Variants in DCTD observed in about 807,000 individuals in gnomAD.
The protein encoded by DCTD is deoxycytidylate deaminase.
DCTD carries 23 observed loss-of-function variants against 21.0 expected under a neutral mutation model. That is an observed-to-expected ratio of 1.09 (90% CI 0.79 to 1.55). The LOEUF (loss-of-function observed/expected upper bound fraction) is 1.55. DCTD is among the 40% of genes most tolerant of loss of function. DCTD has a pLI of 0.00. For synonymous variants in DCTD, 71 were observed against 81.1 expected (o/e 0.88, Z 0.67); for missense variants, 224 against 230.0 (o/e 0.97, Z 0.17).
intron 3 of DCTD, among the ~76,000 whole-genome samples, chr4:182,912,326 T>C (rs952546473): frequency 1.1e-4 from 17 of 152,310 alleles, no homozygotes; most frequent in Admixed American, 9.8e-4. Flanking sequence ...TACTGTATTA[T>C]GGCGGCAGTA....
chr4:182,894,567 A>G lies in DCTD; in HGVS notation c.283T>C (p.Ser95Pro). ...ATACTACAGCCTTTCACATCGGTCG[A>G]ATTTTTGTTCATGATGGCATTCAGC... is the stretch of plus-strand genomic sequence containing the variant. Reference protein sequence around the residue: ...AELNAIMNKNSTDVKGCSMYV... With the variant: ...AELNAIMNKNPTDVKGCSMYV... The change falls in exon 4 of 6, where the codon TCG becomes CCG. Residue 95 changes from serine to proline, a missense_variant. Coordinates refer to ENST00000438320, the MANE Select transcript of DCTD (RefSeq NM_001921.3). 1.2e-6 allele frequency: 2 copies of G among 1,614,176 alleles called. No individual in the cohort carries two copies. Among genetic ancestry groups the G allele is most frequent in the Non-Finnish European group, 1.7e-6 (2 of 1,180,000 alleles).
rs754968340 is a variant in DCTD at position 182,894,638 on chromosome 4, T to G, written c.245-33A>C. The G allele has an allele frequency of 2.9e-6, 4 of 1,391,400 alleles. No individual in the cohort carries two copies. The South Asian group carries it at 4.6e-5, about 16-fold the overall frequency. The allele number at this position is 1,391,400 out of a possible 1,614,324, so 86.2% of individuals were successfully genotyped here. On this transcript the variant is annotated intron_variant, in intron 3 of 5. Transcript: ENST00000438320. The stretch of plus-strand genomic sequence containing the variant: ...TTGAAAGGGAAAGAAAGAAAAACTT[T>G]GGTTGCAGCTCATGAAGAATTTACT...
chr4:182,916,893 C>A (rs1021129807), intron 1 of DCTD: 3 of 1,010,642 alleles, frequency 3.0e-6, no homozygotes, highest in Non-Finnish European at 3.6e-6. Context: ...TCGAATACAA[C>A]GATTCAGGAA....
At chr4:182,896,748 T>C (rs1734805558) in intron 3 of DCTD, among the ~76,000 whole-genome samples, 1 of 152,192 alleles carries the variant, frequency 6.6e-6, no homozygotes, top group Non-Finnish European at 1.5e-5. Flanking sequence ...CAATTACATG[T>C]AATTGTTTCT....
intron 3 of DCTD, among the ~76,000 whole-genome samples, chr4:182,895,223 C>A (rs1223302250): frequency 6.6e-6 from 1 of 152,164 alleles, no homozygotes; most frequent in Non-Finnish European, 1.5e-5. Flanking sequence ...AGACGTGCCA[C>A]CAAGCCCAGC....
intron 1 of DCTD, chr4:182,916,609 T>C: frequency 1.0e-6 from 1 of 996,264 alleles, no homozygotes; most frequent in Non-Finnish European, 1.2e-6. Flanking sequence ...CTGCCCCACA[T>C]CTGAGAGGCC....
intron 3 of DCTD, among the ~76,000 whole-genome samples, chr4:182,899,399 C>CTTT (rs548073020): frequency 0.17 from 24,511 of 143,642 alleles, 2,526 homozygotes; most frequent in Non-Finnish European, 0.23. Context: ...CCTTTTTTTT[C>CTTT]TTTTTCTTTT....
At chr4:182,894,173 C>A (rs534384131) in intron 4 of DCTD, among the ~76,000 whole-genome samples, 3 of 152,200 alleles carry the variant, frequency 2.0e-5, no homozygotes, top group Non-Finnish European at 4.4e-5. Context: ...CTTCCCTCCC[C>A]CAAATCTATG....
chr4:182,903,618 G>C (rs1318675107), intron 3 of DCTD, among the ~76,000 whole-genome samples: 1 of 152,084 alleles, frequency 6.6e-6, no homozygotes, highest in East Asian at 1.9e-4. Flanking sequence ...AGAAAGTGGT[G>C]GGTCACTCAC....
intron 3 of DCTD, among the ~76,000 whole-genome samples, chr4:182,899,409 T>C (rs1011837226): frequency 1.3e-4 from 20 of 151,760 alleles, no homozygotes; most frequent in African/African-American, 4.3e-4. Context: ...CTTTTTCTTT[T>C]TTTTTTAGAT....
At chr4:182,916,218 A>T in intron 1 of DCTD, 1 of 210,926 alleles carries the variant, frequency 4.7e-6, no homozygotes, top group Non-Finnish European at 8.2e-6. Flanking sequence ...GTAATGAATT[A>T]CATGAGAAGA....
At chr4:182,912,765 C>A (rs1737934289) in intron 3 of DCTD, among the ~76,000 whole-genome samples, 1 of 152,140 alleles carries the variant, frequency 6.6e-6, no homozygotes, top group South Asian at 2.1e-4. Flanking sequence ...ACTGCATGGC[C>A]CTTGGCTTCC....
At chr4:182,917,417 G>T (rs1406253838), upstream of DCTD, 5 of 1,023,506 alleles carry the variant, frequency 4.9e-6, no homozygotes, top group African/African-American at 6.9e-5. The surrounding 1 kb of genome is among the most constrained non-coding windows in gnomAD (Gnocchi z 4.9). Flanking sequence ...CCGGAAGGGG[G>T]CAGCGGCCCG....
At chr4:182,915,195 T>C (rs1738502842) in intron 2 of DCTD, 137 bp from the exon 3 acceptor site, 1 of 1,172,160 alleles carries the variant, frequency 8.5e-7, no homozygotes, top group Non-Finnish European at 1.2e-6. Flanking sequence ...GCTGTCGGTC[T>C]CCTTGCCTGG....
intron 3 of DCTD, among the ~76,000 whole-genome samples, chr4:182,901,439 A>C (rs10009825): frequency 0.25 from 37,304 of 152,092 alleles, 4,799 homozygotes; most frequent in Non-Finnish European, 0.3. Context: ...CTTAGACCTG[A>C]GGGTTGTTCT....
chr4:182,908,682 CAAAAAAAAAAAA>C (rs34915632), intron 3 of DCTD, among the ~76,000 whole-genome samples: 1 of 63,740 alleles, frequency 1.6e-5, no homozygotes, highest in Non-Finnish European at 2.9e-5. Context: ...GACTCTGTCT[CAAAAAAAAAAAA>C]AAAAAAAAAA....
At chr4:182,892,478 C>A (rs1267080475) in intron 5 of DCTD, among the ~76,000 whole-genome samples, 1 of 151,880 alleles carries the variant, frequency 6.6e-6, no homozygotes, top group Admixed American at 6.6e-5. Context: ...ATGGTGAAAC[C>A]CCGTCTCTAC....
At chr4:182,899,399 C>CTTTTT (rs548073020) in intron 3 of DCTD, among the ~76,000 whole-genome samples, 2 of 144,328 alleles carry the variant, frequency 1.4e-5, no homozygotes, top group Non-Finnish European at 1.5e-5. Flanking sequence ...CCTTTTTTTT[C>CTTTTT]TTTTTCTTTT....
At chr4:182,916,993 C>T (rs562143798) in intron 1 of DCTD, 1 of 990,580 alleles carries the variant, frequency 1.0e-6, no homozygotes, top group Non-Finnish European at 1.2e-6. Flanking sequence ...ATTCCCAACC[C>T]ACACACGGGC....
Sources: gnomAD v4.1 joint callset for allele counts (sites outside exome capture counted in the v4.1 genomes callset) on GRCh38, gnomAD v4.1.1 for gene constraint, Gnocchi (gnomAD v3.1) non-coding constraint, MANE v1.5 for transcripts, NCBI Gene and HGNC (gene_info 2026-07-23, HGNC 2026-07-21) for gene names.